IRS1: variants seen among roughly 807,000 people sequenced by gnomAD.
The protein encoded by IRS1 is insulin receptor substrate 1.
Under a neutral mutation model 65.6 loss-of-function variants are expected in IRS1, and 34 were observed. The ratio of observed to expected loss-of-function variants is 0.52; its 90% CI spans 0.39 to 0.69. The LOEUF (loss-of-function observed/expected upper bound fraction) is 0.69. Among genes scored for constraint, IRS1 ranks in the 30% least tolerant of loss-of-function variants. The pLI is 0.00. For missense variants in IRS1, 1,641 were observed against 1,720.2 expected, an observed-to-expected ratio of 0.95 and a Z score of 0.81; for synonymous variants, 699 against 683.5, an observed-to-expected ratio of 1.02 and a Z score of -0.35.
chr2:226,753,841 CTGATTGAT>C (rs113302205), intron 1 of IRS1, among the ~76,000 whole-genome samples: 8 of 151,692 alleles, frequency 5.3e-5, no homozygotes, highest in South Asian at 4.2e-4. Context: ...AAACTCAGCA[CTGATTGAT>C]TGATTGATTG....
Position 226,760,473 on chromosome 2 carries a change from C to A in IRS1, c.*22-24223G>T, listed in dbSNP as rs540256126. Among the ~76,000 whole-genome samples the A allele has an allele frequency of 3.3e-5, 5 of 152,302 alleles. No homozygotes were observed. The East Asian group carries it at 9.6e-4, about 29-fold the overall frequency. ...AGCAAATCTAATAGTGTCCAGTCCA[C>A]ACTTCCCTACAAATACATGCGGTCA... On this transcript the variant is annotated intron_variant, in intron 1 of 1. Transcript: ENST00000305123.
intron 1 of IRS1, among the ~76,000 whole-genome samples, chr2:226,790,510 T>C (rs1315541456): frequency 6.6e-6 from 1 of 152,180 alleles, no homozygotes; most frequent in Non-Finnish European, 1.5e-5. Flanking sequence ...TTAAGCAAAT[T>C]ATTAGCTGCT....
At position 226,798,505 on chromosome 2, in the gene IRS1, G is replaced by A. The variant is rs1559160216; in HGVS notation, c.234C>T (p.Ser78=). ...SCFNINKRAD[S]KNKHLVALYT... ...AGAGAGCCACCAGGTGCTTGTTCTT[G>A]GAGTCAGCCCGCTTGTTGATGTTGA... Residue 78 remains serine, a synonymous_variant, in exon 1 of 2, where the codon TCC becomes TCT. Transcript: ENST00000305123. This position sits in a 1 kb window ranked among gnomAD's most constrained non-coding sequence, Gnocchi z 9.4. 2.5e-6 allele frequency: 4 copies of A among 1,614,114 alleles called. No homozygotes were observed. The highest frequency in any genetic ancestry group is 3.4e-6 in the Non-Finnish European group (4 of 1,180,030).
At chr2:226,773,287 A>G (rs1188408607) in intron 1 of IRS1, among the ~76,000 whole-genome samples, 2 of 152,240 alleles carry the variant, frequency 1.3e-5, no homozygotes, top group African/African-American at 2.4e-5. Flanking sequence ...AATAGGATGT[A>G]TATATAGAAA....
intron 1 of IRS1, among the ~76,000 whole-genome samples, chr2:226,739,590 C>A (rs996550781): frequency 6.6e-6 from 1 of 152,180 alleles, no homozygotes; most frequent in Non-Finnish European, 1.5e-5. Flanking sequence ...GAGGTATTAT[C>A]TAAAGCCAAA....
Position 226,798,531 on chromosome 2 carries a change from A to C in IRS1, c.208T>G (p.Phe70Val), listed in dbSNP as rs1939805502. The C allele has an allele frequency of 1.9e-6, 3 of 1,613,914 alleles. No homozygotes were observed. Among genetic ancestry groups the C allele is most frequent in the South Asian group, 1.1e-5 (1 of 91,084 alleles). The change falls in exon 1 of 2, where the codon TTC becomes GTC. Residue 70 changes from phenylalanine (F) to valine (V), a missense_variant. Coordinates refer to ENST00000305123, the MANE Select transcript of IRS1 (RefSeq NM_005544.3). The surrounding 1 kb of genome is among the most constrained non-coding windows in gnomAD (Gnocchi z 9.4). The part of the protein sequence containing the change: ...PKRSIPLESC[F>V]NINKRADSKN... Reference sequence around the variant, plus strand: ...GAGTCAGCCCGCTTGTTGATGTTGAAGCAGCTCTCAAGGGGGATCGAGCGT... The same window carrying C: ...GAGTCAGCCCGCTTGTTGATGTTGACGCAGCTCTCAAGGGGGATCGAGCGT...
chr2:226,795,413 C>G lies in IRS1; in HGVS notation c.3326G>C (p.Ser1109Thr), dbSNP rs751434622. The G allele has an allele frequency of 6.2e-7, 1 of 1,613,414 alleles. No homozygotes were observed. Among genetic ancestry groups the G allele is most frequent in the African/African-American group, 1.3e-5 (1 of 74,932 alleles). The part of the protein sequence containing the change: ...HSSETFSSTP[S>T]ATRVGNTVPF... ...CACTGTGTTGCCCACCCGGGTGGCA[C>G]TGGGTGTTGAGGAGAAAGTCTCGGA... Residue 1109 changes from serine to threonine, a missense_variant, in exon 1 of 2, where the codon AGT (serine) becomes ACT (threonine). Coordinates refer to ENST00000305123, the MANE Select transcript of IRS1 (RefSeq NM_005544.3).
chr2:226,736,801 A>G (rs1453660353), intron 1 of IRS1, among the ~76,000 whole-genome samples: 2 of 152,208 alleles, frequency 1.3e-5, no homozygotes, highest in African/African-American at 4.8e-5. Flanking sequence ...TAAATAAGAA[A>G]ACAAAAAGAT....
chr2:226,747,821 A>G (rs1294548197), intron 1 of IRS1, among the ~76,000 whole-genome samples: 1 of 152,086 alleles, frequency 6.6e-6, no homozygotes, highest in Non-Finnish European at 1.5e-5. Flanking sequence ...ACTTTGCCCC[A>G]CAGGGAACAT....
chr2:226,770,476 G>T (rs112559454), intron 1 of IRS1, among the ~76,000 whole-genome samples: 1 of 152,204 alleles, frequency 6.6e-6, no homozygotes, highest in African/African-American at 2.4e-5. Flanking sequence ...GCTCAGAAGT[G>T]TGGAAACGAA....
intron 1 of IRS1, among the ~76,000 whole-genome samples, chr2:226,768,037 C>A (rs1026296307): frequency 2.0e-5 from 3 of 152,140 alleles, no homozygotes; most frequent in Non-Finnish European, 4.4e-5. Flanking sequence ...TCTACCCCAT[C>A]CCTGCTGCTC....
intron 1 of IRS1, among the ~76,000 whole-genome samples, chr2:226,738,643 C>T (rs1458456610): frequency 6.6e-6 from 1 of 152,182 alleles, no homozygotes; most frequent in Non-Finnish European, 1.5e-5. Flanking sequence ...AAGCCCGTCC[C>T]TTCACAAGCC....
At chr2:226,751,385 G>A (rs1468204916) in intron 1 of IRS1, among the ~76,000 whole-genome samples, 2 of 144,570 alleles carry the variant, frequency 1.4e-5, no homozygotes, top group African/African-American at 2.6e-5. Context: ...CCGGGTTCCC[G>A]GCATTCTCCT....
In IRS1 at chr2:226,798,474, G is replaced by T; in HGVS notation, c.265C>A (p.Arg89=). The T allele has an allele frequency of 6.2e-7, 1 of 1,614,140 alleles. No individual in the cohort carries two copies. Among genetic ancestry groups the T allele is most frequent in the Admixed American group, 1.7e-5 (1 of 60,026 alleles). ...KNKHLVALYT[R]DEHFAIAADS... is the part of the protein sequence containing the mutation. ...GCCGCGATGGCAAAGTGCTCGTCCC[G>T]GGTGTAGAGAGCCACCAGGTGCTTG... The change falls in exon 1 of 2, where the codon CGG becomes AGG. Residue 89 remains arginine, a synonymous_variant. Transcript: ENST00000305123. This position sits in a 1 kb window ranked among gnomAD's most constrained non-coding sequence, Gnocchi z 9.4.
chr2:226,748,334 C>T (rs1048321470), intron 1 of IRS1, among the ~76,000 whole-genome samples: 4 of 147,464 alleles, frequency 2.7e-5, no homozygotes, highest in Admixed American at 1.4e-4. Flanking sequence ...GAGGCTGAGG[C>T]ACAAGAATCA....
Position 226,797,657 on chromosome 2 carries a change from C to T in IRS1, c.1082G>A (p.Gly361Asp), listed in dbSNP as rs746340033. ...TNRTHAHRHRGSARLHPPLNH... is the reference protein window; with the variant it reads ...TNRTHAHRHRDSARLHPPLNH... ...GAGCGGGGGGTGCAGCCGGGCGCTG[C>T]CCCGATGCCGGTGGGCGTGGGTTCT... The change falls in exon 1 of 2, where the codon GGC becomes GAC. Residue 361 changes from glycine to aspartate, a missense_variant. Physicochemically the swap from Gly to Asp is moderately conservative, Grantham distance 94. Transcript: ENST00000305123. This position sits in a 1 kb window ranked among gnomAD's most constrained non-coding sequence, Gnocchi z 8.1. 2 of 1,593,722 alleles carry T rather than the reference C, an allele frequency of 1.3e-6. No individual in the cohort carries two copies. Among genetic ancestry groups the T allele is most frequent in the Non-Finnish European group, 1.7e-6 (2 of 1,176,464 alleles).
rs1325613233 is a variant in IRS1 at position 226,731,867 on chromosome 2, A to G, written c.*4405T>C. On this transcript the variant is annotated 3_prime_UTR_variant, in exon 2 of 2. Transcript: ENST00000305123. Reference sequence around the variant, plus strand: ...GAAAAAAAAAACCCTACAAATGTCTATGCAAATATGGACAAGTTTTCCTGT... The same window carrying G: ...GAAAAAAAAAACCCTACAAATGTCTGTGCAAATATGGACAAGTTTTCCTGT... 1 of 152,172 alleles carries G rather than the reference A, an allele frequency of 6.6e-6. No homozygotes were observed. The highest frequency in any genetic ancestry group is 2.4e-5 in the African/African-American group (1 of 41,446). 9.4% of individuals were successfully genotyped at this position (152,172 alleles called of 1,614,324 possible). A position where few individuals can be genotyped will look rare whatever the true frequency, so the allele number is the denominator to read the frequency against.
At chr2:226,749,193 A>G (rs576828427) in intron 1 of IRS1, among the ~76,000 whole-genome samples, 57 of 152,256 alleles carry the variant, frequency 3.7e-4, no homozygotes, top group Middle Eastern at 3.4e-3. Context: ...CCATTAAATT[A>G]TTACATGTCA....
chr2:226,798,800 G>A lies in IRS1; in HGVS notation c.-62C>T. 7.0e-6 allele frequency: 11 copies of A among 1,564,894 alleles called. No individual in the cohort carries two copies. The highest frequency in any genetic ancestry group is 9.5e-6 in the Non-Finnish European group (11 of 1,155,902). ...GCTCCGAAAAACAACCGGGTGGGGG[G>A]CGGAGGCTCCTCGCCGCGGCCCGGC... On this transcript the variant is annotated 5_prime_UTR_variant, in exon 1 of 2. Coordinates refer to ENST00000305123, the MANE Select transcript of IRS1 (RefSeq NM_005544.3). This position sits in a 1 kb window ranked among gnomAD's most constrained non-coding sequence, Gnocchi z 9.4.
Sources: allele counts gnomAD v4.1 joint callset (sites outside exome capture counted in the v4.1 genomes callset), GRCh38; gene constraint gnomAD v4.1.1; non-coding constraint Gnocchi (gnomAD v3.1); transcripts MANE v1.5; gene names NCBI Gene and HGNC (gene_info 2026-07-23, HGNC 2026-07-21).